TMEM163: variants seen among roughly 807,000 people sequenced by gnomAD.
TMEM163 encodes transmembrane protein 163.
TMEM163 carries 17 observed loss-of-function variants against 29.3 expected under a neutral mutation model. The ratio of observed to expected loss-of-function variants is 0.58; its 90% CI spans 0.40 to 0.87. TMEM163 has a LOEUF of 0.87. Among genes scored for constraint, TMEM163 ranks in the 40% least tolerant of loss-of-function variants. The probability of loss-of-function intolerance (pLI) is 0.00; values close to 1 mark genes in which losing one functional copy is unlikely to be tolerated. For missense variants in TMEM163, 303 were observed against 381.5 expected (o/e 0.79, Z 1.71); for synonymous variants, 157 against 160.6 (o/e 0.98, Z 0.17).
intron 2 of TMEM163, among the ~76,000 whole-genome samples, chr2:134,689,942 G>GTTTT (rs869203078): frequency 6.7e-6 from 1 of 148,864 alleles, no homozygotes; most frequent in African/African-American, 2.4e-5. Flanking sequence ...TTGTTTGTTT[G>GTTTT]TTTTTGGAGG....
At chr2:134,570,210 A>C (rs1681388039) in intron 2 of TMEM163, among the ~76,000 whole-genome samples, 1 of 152,220 alleles carries the variant, frequency 6.6e-6, no homozygotes, top group African/African-American at 2.4e-5. Context: ...GTAAGAATGA[A>C]TCTTCTATCT....
At chr2:134,647,560 A>G (rs1178815817) in intron 2 of TMEM163, among the ~76,000 whole-genome samples, 1 of 152,252 alleles carries the variant, frequency 6.6e-6, no homozygotes, top group East Asian at 1.9e-4. Context: ...TGGAGGTTAT[A>G]GACTAGGTCA....
chr2:134,585,604 C>T (rs545648127), intron 2 of TMEM163, among the ~76,000 whole-genome samples: 1,530 of 152,030 alleles, frequency 0.01, 34 homozygotes, highest in African/African-American at 0.031. Flanking sequence ...TAGCCGGGCG[C>T]GGTGGCGGGC....
chr2:134,663,711 A>G (rs1428439395), intron 2 of TMEM163, among the ~76,000 whole-genome samples: 2 of 152,226 alleles, frequency 1.3e-5, no homozygotes, highest in Non-Finnish European at 2.9e-5. Flanking sequence ...ACCCTGCAAG[A>G]TGGCATTGTC....
chr2:134,672,123 G>A (rs956864772), intron 2 of TMEM163, among the ~76,000 whole-genome samples: 1 of 152,166 alleles, frequency 6.6e-6, no homozygotes, highest in African/African-American at 2.4e-5. Context: ...GTAACAAAAA[G>A]TGTATTAGCT....
At position 134,634,554 on chromosome 2, in the gene TMEM163, CTGAT is replaced by C. The variant is rs139611331; in HGVS notation, c.322+78642_322+78645del. Among the ~76,000 whole-genome samples, 93 of 152,240 alleles carry C rather than the reference CTGAT, an allele frequency of 6.1e-4. 2 individuals are homozygous for C. In the East Asian group the frequency reaches 0.013, roughly 21 times the overall value. On this transcript the variant is annotated intron_variant, in intron 2 of 7. Transcript: ENST00000281924. ...ATCTCCAGCTAGTGCTTTTGGCTGACTGATTGGATATGTCATGGCATGAACATGA... is the reference window on the plus strand; with the variant it reads ...ATCTCCAGCTAGTGCTTTTGGCTGACTGGATATGTCATGGCATGAACATGA...
At chr2:134,568,022 G>A (rs1681335507) in intron 2 of TMEM163, among the ~76,000 whole-genome samples, 1 of 152,190 alleles carries the variant, frequency 6.6e-6, no homozygotes, top group South Asian at 2.1e-4. Flanking sequence ...CATAGTCTTA[G>A]CATTCTTCTA....
chr2:134,545,552 C>A (rs1487903179), intron 4 of TMEM163, among the ~76,000 whole-genome samples: 1 of 151,778 alleles, frequency 6.6e-6, no homozygotes, highest in South Asian at 2.1e-4. Flanking sequence ...GGCACTGCCC[C>A]CTCACCTCCT....
chr2:134,536,357 C>T (rs943567194), intron 4 of TMEM163, among the ~76,000 whole-genome samples: 2 of 152,170 alleles, frequency 1.3e-5, no homozygotes, highest in East Asian at 1.9e-4. Context: ...TGAGACACCC[C>T]GGTGGCAGTG....
In TMEM163 at chr2:134,487,777, T is replaced by A. The variant is rs145175772; in HGVS notation, c.555+15124A>T. The stretch of plus-strand genomic sequence containing the variant: ...ATGATGGAGGTGGCCTTTGAAATCA[T>A]CTTGGGCAAGTTGTATATTCATCTG... On this transcript the variant is annotated intron_variant, in intron 5 of 7. Transcript: ENST00000281924. Among the ~76,000 whole-genome samples the A allele has an allele frequency of 1.4e-3, 211 of 152,322 alleles. 1 individual carries two copies. The highest frequency in any genetic ancestry group is 4.9e-3 in the African/African-American group (203 of 41,568).
intron 2 of TMEM163, among the ~76,000 whole-genome samples, chr2:134,587,710 G>A (rs1485331179): frequency 6.6e-6 from 1 of 152,212 alleles, no homozygotes; most frequent in Non-Finnish European, 1.5e-5. Context: ...TGGCTGATGG[G>A]ATTCTTTTTG....
intron 4 of TMEM163, among the ~76,000 whole-genome samples, chr2:134,507,816 C>T (rs1247476423): frequency 6.6e-6 from 1 of 152,156 alleles, no homozygotes; most frequent in Non-Finnish European, 1.5e-5. Context: ...ATGATCGTGC[C>T]ACTGCACTGC....
At chr2:134,638,673 G>A (rs1468305928) in intron 2 of TMEM163, among the ~76,000 whole-genome samples, 1 of 152,152 alleles carries the variant, frequency 6.6e-6, no homozygotes, top group African/African-American at 2.4e-5. Context: ...GTGCCTGATG[G>A]TATGGGGACA....
Position 134,585,532 on chromosome 2 carries a change from A to G in TMEM163, c.323-33441T>C, listed in dbSNP as rs536995404. ...CCGAGGCGGGCAGATTACGAGGTCAAGAGATAGAGACCATCCTGGCTAACA... is the reference window on the plus strand; with the variant it reads ...CCGAGGCGGGCAGATTACGAGGTCAGGAGATAGAGACCATCCTGGCTAACA... On this transcript the variant is annotated intron_variant, in intron 2 of 7. Coordinates refer to ENST00000281924, the MANE Select transcript of TMEM163 (RefSeq NM_030923.5). 5.5e-3 allele frequency among the ~76,000 whole-genome samples: 836 copies of G among 152,270 alleles called. 8 individuals carry two copies. The highest frequency in any genetic ancestry group is 0.013 in the African/African-American group (546 of 41,548).
At chr2:134,480,238 T>C (rs1284839283) in intron 5 of TMEM163, among the ~76,000 whole-genome samples, 2 of 152,126 alleles carry the variant, frequency 1.3e-5, no homozygotes, top group Non-Finnish European at 2.9e-5. Context: ...CCCTGCCTCC[T>C]CTGTTCCTCA....
intron 4 of TMEM163, among the ~76,000 whole-genome samples, chr2:134,550,083 G>T (rs955875913): frequency 6.6e-6 from 1 of 152,130 alleles, no homozygotes; most frequent in Non-Finnish European, 1.5e-5. Context: ...AGTCACAAAC[G>T]TTAAGTCCTT....
At chr2:134,536,058 T>C (rs1680534398) in intron 4 of TMEM163, among the ~76,000 whole-genome samples, 1 of 152,154 alleles carries the variant, frequency 6.6e-6, no homozygotes, top group Non-Finnish European at 1.5e-5. Flanking sequence ...TGTATATATA[T>C]TTAGACGGAG....
chr2:134,546,462 CA>C (rs1680787440), intron 4 of TMEM163, among the ~76,000 whole-genome samples: 1 of 152,058 alleles, frequency 6.6e-6, no homozygotes, highest in African/African-American at 2.4e-5. Context: ...GCCAACATGG[CA>C]AAACTCCATC....
chr2:134,543,077 G>C (rs1680712165), intron 4 of TMEM163, among the ~76,000 whole-genome samples: 1 of 152,130 alleles, frequency 6.6e-6, no homozygotes. Flanking sequence ...CCGTACTGGG[G>C]GACAAGGACT....
Sources: allele counts gnomAD v4.1 joint callset (sites outside exome capture counted in the v4.1 genomes callset), GRCh38; gene constraint gnomAD v4.1.1; transcripts MANE v1.5; gene names NCBI Gene and HGNC (gene_info 2026-07-23, HGNC 2026-07-21).